The following XCR1 variants were observed in gnomAD, a reference collection of about 807,000 sequenced individuals.
The protein encoded by XCR1 is chemokine XC receptor 1.
For synonymous variants in XCR1, 187 were observed against 188.5 expected (o/e 0.99, Z 0.06); for missense variants, 356 against 424.2 (o/e 0.84, Z 1.41).
chr3:46,082,222 G>T (rs1698380808), intron 1 of XCR1, among the ~76,000 whole-genome samples: 1 of 152,100 alleles, frequency 6.6e-6, no homozygotes. Flanking sequence ...CAAGATACCA[G>T]ACCAAGCCTG....
chr3:46,062,320 C>T (rs1697977740), intron 4 of XCR1, among the ~76,000 whole-genome samples: 1 of 152,148 alleles, frequency 6.6e-6, no homozygotes, highest in African/African-American at 2.4e-5. Flanking sequence ...CTACTTCCAC[C>T]ATGAACACTG....
At chr3:46,062,882 T>C (rs1168912827) in intron 4 of XCR1, among the ~76,000 whole-genome samples, 1 of 152,244 alleles carries the variant, frequency 6.6e-6, no homozygotes, top group Non-Finnish European at 1.5e-5. Context: ...GTTTTGGATC[T>C]GGGCAGAAGT....
upstream of XCR1, among the ~76,000 whole-genome samples, chr3:46,031,096 G>GC (rs1211072297): frequency 2.0e-5 from 3 of 150,708 alleles, no homozygotes; most frequent in African/African-American, 7.5e-5. Flanking sequence ...TGGGAGCCCT[G>GC]CCCCTTAGAA....
At position 46,022,087 on chromosome 3, in the gene XCR1, C is replaced by T. The variant is rs1424272035; in HGVS notation, c.-31-109G>A. ...GGCCAAAGGGAGAGGATTGCTTGAC[C>T]CCAGGAGTTTGAGACCATCCCAGGC... is the stretch of plus-strand genomic sequence containing the variant. On this transcript the variant is annotated intron_variant, in intron 1 of 1. Transcript: ENST00000309285. 15 of 1,005,510 alleles carry T rather than the reference C, an allele frequency of 1.5e-5. No individual in the cohort carries two copies. The African/African-American group carries it at 2.0e-4, about 13-fold the overall frequency. The allele number at this position is 1,005,510 out of a possible 1,614,324, so 62.3% of individuals were successfully genotyped here.
chr3:46,028,553 C>G (rs533564768), upstream of XCR1, among the ~76,000 whole-genome samples: 1 of 150,886 alleles, frequency 6.6e-6, no homozygotes, highest in African/African-American at 2.4e-5. Context: ...CTTCATAATA[C>G]CCTTCGACAC....
At chr3:46,074,214 C>CTTTTTTTTTTT (rs35124592) in intron 3 of XCR1, among the ~76,000 whole-genome samples, 2,490 of 86,510 alleles carry the variant, frequency 0.029, 264 homozygotes, top group East Asian at 0.067. Context: ...TGAAGGCCAT[C>CTTTTTTTTTTT]TTTTTTTTTT....
chr3:46,031,539 C>T (rs1163049127), upstream of XCR1, among the ~76,000 whole-genome samples: 2 of 152,218 alleles, frequency 1.3e-5, no homozygotes, highest in Admixed American at 1.3e-4. Context: ...CAGCTCATTC[C>T]TGGCCTGCAG....
intron 5 of XCR1, among the ~76,000 whole-genome samples, chr3:46,050,698 C>T (rs1259207186): frequency 1.3e-5 from 2 of 152,072 alleles, no homozygotes; most frequent in Non-Finnish European, 1.5e-5. Flanking sequence ...TAGTGAGACA[C>T]GTTCTCTTTG....
chr3:46,049,851 T>C (rs1191903237), intron 5 of XCR1, among the ~76,000 whole-genome samples: 1 of 152,200 alleles, frequency 6.6e-6, no homozygotes, highest in Non-Finnish European at 1.5e-5. Context: ...TGGTTATCTA[T>C]AGCACCCACG....
At chr3:46,030,966 G>A (rs1030067988), upstream of XCR1, among the ~76,000 whole-genome samples, 1 of 152,244 alleles carries the variant, frequency 6.6e-6, no homozygotes, top group African/African-American at 2.4e-5. Flanking sequence ...TCATTTGTGC[G>A]GGGTTGGCCA....
intron 4 of XCR1, among the ~76,000 whole-genome samples, chr3:46,054,389 T>G (rs28454181): frequency 0.11 from 17,481 of 152,128 alleles, 3,387 homozygotes; most frequent in African/African-American, 0.4. Flanking sequence ...AGATCCTGCG[T>G]TCATGATAAA....
chr3:46,074,750 T>TA (rs143633681), intron 2 of XCR1, among the ~76,000 whole-genome samples: 1,921 of 152,280 alleles, frequency 0.013, 40 homozygotes, highest in African/African-American at 0.044. Context: ...GGGTTGGTCT[T>TA]ACTGTTTCAG....
intron 5 of XCR1, among the ~76,000 whole-genome samples, chr3:46,046,439 G>T (rs1697628841): frequency 6.6e-6 from 1 of 152,206 alleles, no homozygotes; most frequent in Non-Finnish European, 1.5e-5. Flanking sequence ...GGAAGTGACT[G>T]CCTTCAGCAA....
intron 4 of XCR1, among the ~76,000 whole-genome samples, chr3:46,054,227 G>A (rs1326890097): frequency 6.6e-6 from 1 of 152,152 alleles, no homozygotes; most frequent in African/African-American, 2.4e-5. Flanking sequence ...GAGAAGGTGG[G>A]TGTGGAAGAA....
intron 4 of XCR1, among the ~76,000 whole-genome samples, chr3:46,058,802 G>T (rs2133663): frequency 3.9e-5 from 6 of 151,942 alleles, no homozygotes; most frequent in African/African-American, 9.7e-5. Context: ...TGAGGTCAAG[G>T]GATCCACCCA....
At chr3:46,076,104 A>G (rs1698255586) in intron 2 of XCR1, among the ~76,000 whole-genome samples, 1 of 152,246 alleles carries the variant, frequency 6.6e-6, no homozygotes, top group African/African-American at 2.4e-5. Flanking sequence ...AGATTTTTTA[A>G]CAGTCACCTT....
chr3:46,079,095 T>C (rs1344564928), intron 1 of XCR1, among the ~76,000 whole-genome samples: 1 of 152,224 alleles, frequency 6.6e-6, no homozygotes, highest in South Asian at 2.1e-4. Context: ...AAACACATCC[T>C]GGGCCTTGGT....
At chr3:46,070,688 G>A (rs1698149458) in intron 3 of XCR1, among the ~76,000 whole-genome samples, 1 of 151,850 alleles carries the variant, frequency 6.6e-6, no homozygotes, top group Admixed American at 6.6e-5. Context: ...CTCGTAAGCA[G>A]CATGCAGTTT....
chr3:46,057,505 A>G (rs1697873601), intron 4 of XCR1, among the ~76,000 whole-genome samples: 1 of 152,204 alleles, frequency 6.6e-6, no homozygotes, highest in Non-Finnish European at 1.5e-5. Context: ...TTGTACTTTA[A>G]TTATACCTTG....
Sources: gnomAD v4.1 joint callset for allele counts (sites outside exome capture counted in the v4.1 genomes callset) on GRCh38, gnomAD v4.1.1 for gene constraint, MANE v1.5 for transcripts, NCBI Gene and HGNC (gene_info 2026-07-23, HGNC 2026-07-21) for gene names.